The following DPH6 variants were observed in gnomAD, a reference collection of about 807,000 sequenced individuals.
DPH6 encodes the protein diphthine--ammonia ligase.
Under a neutral mutation model 38.2 loss-of-function variants are expected in DPH6, and 33 were observed. The ratio of observed to expected loss-of-function variants is 0.86; its 90% CI spans 0.65 to 1.15. DPH6 has a LOEUF of 1.15. Ranked by LOEUF, DPH6 falls within the 50% of genes most tolerant of loss-of-function variation. The probability of loss-of-function intolerance (pLI) is 0.00; values close to 1 mark genes in which losing one functional copy is unlikely to be tolerated. For synonymous variants in DPH6, 108 were observed against 103.0 expected, an observed-to-expected ratio of 1.05 and a Z score of -0.30; for missense variants, 325 against 320.0, an observed-to-expected ratio of 1.02 and a Z score of -0.12.
chr15:35,342,963 C>T (rs910623172), intron 3 of DPH6, among the ~76,000 whole-genome samples: 5 of 152,172 alleles, frequency 3.3e-5, no homozygotes, highest in Non-Finnish European at 7.4e-5. Flanking sequence ...CTTTCACCCA[C>T]TTCTTCTTAC....
intron 1 of DPH6, among the ~76,000 whole-genome samples, chr15:35,543,256 CATAATATATATATATATATATATAT>C (rs1566946883): frequency 9.5e-6 from 1 of 104,784 alleles, no homozygotes; most frequent in African/African-American, 4.4e-5. Flanking sequence ...CACACATACA[CATAATATATATATATATATATATAT>C]ATATATATAT....
At chr15:35,417,451 A>T (rs901809916) in intron 5 of DPH6, among the ~76,000 whole-genome samples, 1 of 152,042 alleles carries the variant, frequency 6.6e-6, no homozygotes, top group African/African-American at 2.4e-5. Context: ...ATTAGCATCA[A>T]TAAAATATAT....
chr15:35,316,623 G>A (rs912813413), intron 3 of DPH6, among the ~76,000 whole-genome samples: 2 of 152,126 alleles, frequency 1.3e-5, no homozygotes, highest in African/African-American at 2.4e-5. Context: ...TATAGGCCTG[G>A]TAAAAAGGTG....
chr15:35,361,979 G>A (rs1347954645), intron 3 of DPH6, among the ~76,000 whole-genome samples: 1 of 150,676 alleles, frequency 6.6e-6, no homozygotes, highest in Non-Finnish European at 1.5e-5. Context: ...TTGGGCCTCC[G>A]ATTGGGTCAT....
At chr15:35,471,778 C>T (rs2054201387) in intron 3 of DPH6, among the ~76,000 whole-genome samples, 1 of 152,084 alleles carries the variant, frequency 6.6e-6, no homozygotes, top group Admixed American at 6.5e-5. Context: ...TCATTTAAAT[C>T]CTTTGTATCT....
At chr15:35,404,082 A>G (rs944535486) in intron 6 of DPH6, among the ~76,000 whole-genome samples, 4 of 152,076 alleles carry the variant, frequency 2.6e-5, no homozygotes, top group African/African-American at 4.8e-5. Flanking sequence ...GCTGAACAGT[A>G]CTCCATAGTG....
At position 35,391,021 on chromosome 15, in the gene DPH6, G is replaced by A. The variant is rs112434167; in HGVS notation, c.568-9105C>T. Among the ~76,000 whole-genome samples, 518 of 152,256 alleles carry A rather than the reference G, an allele frequency of 3.4e-3. 2 individuals are homozygous for A. Among genetic ancestry groups the A allele is most frequent in the African/African-American group, 0.012 (479 of 41,552 alleles). ...ATGGTGACGTACAGATGGGTTTTTG[G>A]TGTGGATGTCCTGTCTTTTTGTTAG... On this transcript the variant is annotated intron_variant, in intron 6 of 8. Transcript: ENST00000256538.
the DPH6 span, among the ~76,000 whole-genome samples, chr15:35,211,826 A>G: frequency 6.6e-6 from 1 of 151,834 alleles, no homozygotes; most frequent in African/African-American, 2.4e-5. Context: ...GCCAAGTACA[A>G]TTTTTTTTGG....
the DPH6 span, among the ~76,000 whole-genome samples, chr15:35,194,676 T>A: frequency 6.6e-6 from 1 of 152,226 alleles, no homozygotes; most frequent in Admixed American, 6.5e-5. Context: ...TGATTGCAGA[T>A]CCCACGAAAA....
At position 35,246,541 on chromosome 15, in the gene DPH6, A is replaced by G. The variant is rs1392109460; in HGVS notation, n.201-25959T>C. On this transcript the variant is annotated intron_variant and non_coding_transcript_variant, in intron 3 of 3. Transcript: ENST00000560386. ...TAGTGAGCAATGGGATTAGCGCCAG[A>G]CTGCAGTAAGCAATTTGTTCATCCT... Among the ~76,000 whole-genome samples the G allele has an allele frequency of 2.0e-5, 3 of 152,192 alleles. No homozygotes were observed. In the East Asian group the frequency reaches 5.8e-4, roughly 29 times the overall value.
chr15:35,179,090 C>T, the DPH6 span, among the ~76,000 whole-genome samples: 1 of 151,166 alleles, frequency 6.6e-6, no homozygotes, highest in African/African-American at 2.4e-5. Context: ...CCTGTAATCC[C>T]AGCTACTCAG....
Position 35,377,459 on chromosome 15 carries a change from G to A in DPH6, c.663-3851C>T, listed in dbSNP as rs140902393. Among the ~76,000 whole-genome samples the A allele has an allele frequency of 3.0e-3, 449 of 152,194 alleles. 1 individual carries two copies. The highest frequency in any genetic ancestry group is 1.0e-2 in the African/African-American group (414 of 41,518). On this transcript the variant is annotated intron_variant, in intron 7 of 8. Coordinates refer to ENST00000256538, the MANE Select transcript of DPH6 (RefSeq NM_080650.4). Reference sequence around the variant, plus strand: ...AATACTGACATAAAAATGTATACATGAAGAGAGAGAAGAAAATGACTACTT... The same window carrying A: ...AATACTGACATAAAAATGTATACATAAAGAGAGAGAAGAAAATGACTACTT...
intron 3 of DPH6, among the ~76,000 whole-genome samples, chr15:35,525,307 T>C (rs1291948013): frequency 6.6e-6 from 1 of 152,172 alleles, no homozygotes; most frequent in Non-Finnish European, 1.5e-5. Flanking sequence ...CCCAAGCCTA[T>C]TGTCCCATCC....
intron 3 of DPH6, among the ~76,000 whole-genome samples, chr15:35,304,286 G>A (rs2052073449): frequency 6.6e-6 from 1 of 152,094 alleles, no homozygotes; most frequent in African/African-American, 2.4e-5. Context: ...CTGATTGTAA[G>A]CCCAAGTTCC....
At chr15:35,324,912 CAG>C (rs1349601733) in intron 3 of DPH6, among the ~76,000 whole-genome samples, 13 of 152,212 alleles carry the variant, frequency 8.5e-5, no homozygotes, top group African/African-American at 2.9e-4. Flanking sequence ...TTAAATAAAA[CAG>C]AATCTTAGTA....
At chr15:35,206,306 A>G in the DPH6 span, among the ~76,000 whole-genome samples, 1,867 of 152,274 alleles carry the variant, frequency 0.012, 21 homozygotes, top group Middle Eastern at 0.048. Flanking sequence ...CTGAATTCCA[A>G]ATTGAGAAAA....
At chr15:35,364,165 T>G (rs2052637070) in intron 3 of DPH6, among the ~76,000 whole-genome samples, 1 of 152,042 alleles carries the variant, frequency 6.6e-6, no homozygotes, top group Admixed American at 6.6e-5. Context: ...TTCTTAGTTT[T>G]TGTTTGAAAA....
At chr15:35,506,395 T>G (rs929018907) in intron 3 of DPH6, among the ~76,000 whole-genome samples, 1 of 152,180 alleles carries the variant, frequency 6.6e-6, no homozygotes, top group African/African-American at 2.4e-5. Context: ...ATTTCCTGAT[T>G]ACAACTTTGT....
At chr15:35,284,714 C>T (rs1342369218) in intron 3 of DPH6, among the ~76,000 whole-genome samples, 1 of 147,948 alleles carries the variant, frequency 6.8e-6, no homozygotes, top group Non-Finnish European at 1.5e-5. Context: ...AAGTTTGAGC[C>T]AGAAACAAGT....
Sources: allele counts gnomAD v4.1 joint callset (sites outside exome capture counted in the v4.1 genomes callset), GRCh38; gene constraint gnomAD v4.1.1; transcripts MANE v1.5; gene names NCBI Gene and HGNC (gene_info 2026-07-23, HGNC 2026-07-21).